FBXL2: variants seen among roughly 807,000 people sequenced by gnomAD.
FBXL2 encodes the protein F-box and leucine rich repeat protein 2.
FBXL2 carries 38 observed loss-of-function variants against 69.2 expected under a neutral mutation model. The ratio of observed to expected loss-of-function variants is 0.55; its 90% CI spans 0.42 to 0.72. FBXL2 has a LOEUF of 0.72. FBXL2 is among the 30% of genes least tolerant of loss of function. The pLI is 0.00. For synonymous variants in FBXL2, 192 were observed against 201.3 expected, an observed-to-expected ratio of 0.95 and a Z score of 0.39; for missense variants, 354 against 520.3, an observed-to-expected ratio of 0.68 and a Z score of 3.11.
At chr3:33,345,824 A>C (rs1400924669) in intron 2 of FBXL2, among the ~76,000 whole-genome samples, 1 of 152,256 alleles carries the variant, frequency 6.6e-6, no homozygotes, top group African/African-American at 2.4e-5. Flanking sequence ...AAAAGCAAAA[A>C]TATTTTTAAA....
At chr3:33,338,855 C>T (rs947051464) in intron 2 of FBXL2, among the ~76,000 whole-genome samples, 2 of 152,122 alleles carry the variant, frequency 1.3e-5, no homozygotes, top group African/African-American at 2.4e-5. Flanking sequence ...CCATTCTGGA[C>T]ATAGGCCCTG....
Position 33,387,622 on chromosome 3 carries a change from C to CAA in FBXL2, c.*2016_*2017dup, listed in dbSNP as rs753025935. On this transcript the variant is annotated 3_prime_UTR_variant, in exon 15 of 15. Coordinates refer to ENST00000484457, the MANE Select transcript of FBXL2 (RefSeq NM_012157.5). ...ACTCCATCATCATCTCAAAACAAAA[C>CAA]AAACAAACAAACAAAACAAACCACC... The CAA allele has an allele frequency of 9.4e-6, 1 of 106,016 alleles. No individual in the cohort carries two copies. Among genetic ancestry groups the CAA allele is most frequent in the African/African-American group, 3.6e-5 (1 of 28,056 alleles). The allele number at this position is 106,016 out of a possible 1,614,324, so 6.6% of individuals were successfully genotyped here.
At chr3:33,412,919 T>A in the FBXL2 span, 1 of 799,282 alleles carries the variant, frequency 1.3e-6, no homozygotes, top group Non-Finnish European at 2.2e-6. Context: ...CCTGTAGCAG[T>A]AGAACACATA....
chr3:33,416,477 T>C, the FBXL2 span, among the ~76,000 whole-genome samples: 1 of 152,238 alleles, frequency 6.6e-6, no homozygotes, highest in East Asian at 1.9e-4. Flanking sequence ...TATTATCTTT[T>C]ACTTTTAGAG....
chr3:33,373,119 T>A lies in FBXL2; in HGVS notation c.318T>A (p.Ile106=). 1 of 1,614,234 alleles carries A rather than the reference T, an allele frequency of 6.2e-7. No homozygotes were observed. The change falls in exon 6 of 15, where the codon ATT becomes ATA. Residue 106 remains isoleucine, a synonymous_variant. Coordinates refer to ENST00000484457, the MANE Select transcript of FBXL2 (RefSeq NM_012157.5). ...CCTTTGCACAGAACTGCCGAAACAT[T>A]GAACATTTGAACCTCAATGGATGCA... ...LKTFAQNCRN[I]EHLNLNGCTK... is the part of the protein sequence containing the mutation.
At chr3:33,375,233 C>T (rs1369157944) in intron 9 of FBXL2, 55 bp from the exon 10 acceptor site, 36 of 1,586,404 alleles carry the variant, frequency 2.3e-5, no homozygotes, top group East Asian at 1.1e-4. Context: ...CTGCTGCTCC[C>T]GTTTTGGTAT....
rs114372714 is a variant in FBXL2, at chr3:33,293,161, G to A, written c.4-4503G>A. Among the ~76,000 whole-genome samples the A allele has an allele frequency of 4.2e-3, 643 of 152,282 alleles. 2 individuals are homozygous for A. The highest frequency in any genetic ancestry group is 7.2e-3 in the Admixed American group (110 of 15,294). On this transcript the variant is annotated intron_variant, in intron 1 of 14. Transcript: ENST00000484457. ...GTGAGCCACTGCACCTAGCTGAGAA[G>A]TGGTTTTATAATAGTAATTGGAGAC...
intron 4 of FBXL2, among the ~76,000 whole-genome samples, chr3:33,361,908 A>G (rs2041652878): frequency 6.6e-6 from 1 of 152,168 alleles, no homozygotes; most frequent in Non-Finnish European, 1.5e-5. Context: ...GCACTTTGGG[A>G]AGGAAATGGT....
At chr3:33,381,099 T>A (rs573040820) in intron 13 of FBXL2, among the ~76,000 whole-genome samples, 5 of 152,200 alleles carry the variant, frequency 3.3e-5, no homozygotes, top group Admixed American at 3.3e-4. Flanking sequence ...TCAGAACAGG[T>A]CAAGCACCCT....
At chr3:33,322,179 A>G (rs1034217527) in intron 2 of FBXL2, among the ~76,000 whole-genome samples, 2 of 144,046 alleles carry the variant, frequency 1.4e-5, no homozygotes, top group Admixed American at 7.4e-5. Flanking sequence ...CCGGGTTCAC[A>G]GCATTCTCCT....
intron 2 of FBXL2, among the ~76,000 whole-genome samples, chr3:33,328,713 A>T (rs1252477251): frequency 6.6e-6 from 1 of 152,046 alleles, no homozygotes; most frequent in African/African-American, 2.4e-5. Flanking sequence ...TAAAGACTTA[A>T]ATTTAACACC....
intron 2 of FBXL2, among the ~76,000 whole-genome samples, chr3:33,316,554 C>T (rs1027549624): frequency 1.3e-5 from 2 of 152,160 alleles, no homozygotes; most frequent in African/African-American, 4.8e-5. Flanking sequence ...CTCCCAGTAT[C>T]ATCAGCTGCT....
At chr3:33,321,334 GAAAAAA>G (rs1164890057) in intron 2 of FBXL2, among the ~76,000 whole-genome samples, 1 of 148,122 alleles carries the variant, frequency 6.8e-6, no homozygotes, top group East Asian at 2.0e-4. Context: ...AAAGAAAAAA[GAAAAAA>G]AAGAAAAAGA....
intron 1 of FBXL2, among the ~76,000 whole-genome samples, chr3:33,287,621 G>A (rs1406294032): frequency 6.6e-6 from 1 of 152,166 alleles, no homozygotes; most frequent in South Asian, 2.1e-4. Flanking sequence ...GATTACAGAT[G>A]TGAGGCACTG....
At position 33,348,889 on chromosome 3, in the gene FBXL2, T is replaced by G. The variant is rs556902180; in HGVS notation, c.66-10078T>G. On this transcript the variant is annotated intron_variant, in intron 2 of 14. Coordinates refer to ENST00000484457, the MANE Select transcript of FBXL2 (RefSeq NM_012157.5). ...TTTTATTTGTGACTTGTAAATGGGATTACTTTTTAAATTTCTTTTTCATAT... is the reference window on the plus strand; with the variant it reads ...TTTTATTTGTGACTTGTAAATGGGAGTACTTTTTAAATTTCTTTTTCATAT... Among the ~76,000 whole-genome samples the G allele has an allele frequency of 4.6e-5, 7 of 152,298 alleles. No individual in the cohort carries two copies. In the East Asian group the frequency reaches 1.3e-3, roughly 29 times the overall value.
intron 12 of FBXL2, among the ~76,000 whole-genome samples, chr3:33,395,416 T>C (rs2043935996): frequency 1.3e-5 from 2 of 151,850 alleles, no homozygotes; most frequent in African/African-American, 4.8e-5. Context: ...ATCCATACAA[T>C]AAATGAGAAA....
At chr3:33,288,178 G>A (rs1405826103) in intron 1 of FBXL2, among the ~76,000 whole-genome samples, 1 of 152,194 alleles carries the variant, frequency 6.6e-6, no homozygotes. Context: ...TTTTAATAGA[G>A]TCAGAATCAA....
At chr3:33,335,724 A>G (rs541320082) in intron 2 of FBXL2, among the ~76,000 whole-genome samples, 1 of 152,208 alleles carries the variant, frequency 6.6e-6, no homozygotes, top group African/African-American at 2.4e-5. Flanking sequence ...ACAAAGGAAC[A>G]AAAAGTAGAT....
chr3:33,286,510 G>A (rs1163670531), intron 1 of FBXL2, among the ~76,000 whole-genome samples: 1 of 152,214 alleles, frequency 6.6e-6, no homozygotes, highest in Non-Finnish European at 1.5e-5. Context: ...GAGGCAGTCT[G>A]TCTGTTCTCA....
Sources: gnomAD v4.1 joint callset for allele counts (sites outside exome capture counted in the v4.1 genomes callset) on GRCh38, gnomAD v4.1.1 for gene constraint, MANE v1.5 for transcripts, NCBI Gene and HGNC (gene_info 2026-07-23, HGNC 2026-07-21) for gene names.